The following ZNF525 variants were observed in gnomAD, a reference collection of about 807,000 sequenced individuals.
ZNF525 encodes zinc finger protein 525.
ZNF525 carries 33 observed loss-of-function variants against 37.6 expected under a neutral mutation model. The ratio of observed to expected loss-of-function variants is 0.88; its 90% CI spans 0.67 to 1.17. The LOEUF is 1.17. ZNF525 is among the 50% of genes most tolerant of loss of function. The pLI, the probability that ZNF525 is intolerant of heterozygous loss-of-function variation, is 0.00. For missense variants in ZNF525, 449 were observed against 543.1 expected (o/e 0.83, Z 1.72); for synonymous variants, 170 against 182.3 (o/e 0.93, Z 0.54).
chr19:53,373,472 A>G (rs532580441), intron 2 of ZNF525, among the ~76,000 whole-genome samples: 11 of 152,238 alleles, frequency 7.2e-5, no homozygotes, highest in Non-Finnish European at 1.6e-4. Context: ...TAAAACTCCA[A>G]GCAAAGCTGC....
In ZNF525 at chr19:53,381,736, A is replaced by G. The variant is rs1050387475; in HGVS notation, c.1157A>G (p.Asn386Ser). 3.7e-6 allele frequency: 4 copies of G among 1,086,832 alleles called. No homozygotes were observed. The highest frequency in any genetic ancestry group is 5.7e-6 in the Non-Finnish European group (4 of 698,116). 67.3% of individuals were successfully genotyped at this position (1,086,832 alleles called of 1,614,324 possible). A position where few individuals can be genotyped will look rare whatever the true frequency, so the allele number is the denominator to read the frequency against. The change falls in exon 4 of 4, where the codon AAT becomes AGT. Residue 386 changes from asparagine (N) to serine (S), a missense_variant. Around this residue, in one of 2 missense-constraint regions of ZNF525, gnomAD observed 178 missense variants for 161.5 expected, o/e 1.10. Transcript: ENST00000474037. ...THTGEKPYKC[N>S]DCGKTFSHMS... ...ACTGGAGAGAAACCATACAAGTGTA[A>G]TGATTGTGGCAAGACCTTCAGTCAT...
Position 53,382,784 on chromosome 19 carries a change from C to A in ZNF525, c.*765C>A. ...CAGACATCGTTCATACCTTGCAGTT[C>A]ACGGGCGAACTCATGCTGGAGAGAA... On this transcript the variant is annotated 3_prime_UTR_variant, in exon 4 of 4. Coordinates refer to ENST00000474037, the MANE Select transcript of ZNF525 (RefSeq NM_001348156.2). The A allele has an allele frequency of 1.9e-6, 2 of 1,070,080 alleles. No homozygotes were observed. Among genetic ancestry groups the A allele is most frequent in the Non-Finnish European group, 2.8e-6 (2 of 707,120 alleles). 66.3% of individuals were successfully genotyped at this position (1,070,080 alleles called of 1,614,324 possible). A position where few individuals can be genotyped will look rare whatever the true frequency, so the allele number is the denominator to read the frequency against.
In ZNF525 at chr19:53,382,290, A is replaced by G. The variant is rs558561346; in HGVS notation, c.*271A>G. 18 of 1,426,780 alleles carry G rather than the reference A, an allele frequency of 1.3e-5. No homozygotes were observed. The highest frequency in any genetic ancestry group is 1.8e-5 in the Non-Finnish European group (18 of 1,010,510). The allele number at this position is 1,426,780 out of a possible 1,614,324, so 88.4% of individuals were successfully genotyped here. A position where few individuals can be genotyped will look rare whatever the true frequency, so the allele number is the denominator to read the frequency against. On this transcript the variant is annotated 3_prime_UTR_variant, in exon 4 of 4. Coordinates refer to ENST00000474037, the MANE Select transcript of ZNF525 (RefSeq NM_001348156.2). The stretch of plus-strand genomic sequence containing the variant: ...TACATCATCCCTTACATGCCATCAT[A>G]GACTTCATACTGGAGAGAAACCTTA...
At chr19:53,377,081 G>GT (rs2147070076) in intron 3 of ZNF525, among the ~76,000 whole-genome samples, 1 of 152,286 alleles carries the variant, frequency 6.6e-6, no homozygotes, top group Non-Finnish European at 1.5e-5. Flanking sequence ...TATGTACAGT[G>GT]TTTTTTCATG....
Position 53,370,388 on chromosome 19 carries a change from T to C in ZNF525, c.-67-1827T>C, listed in dbSNP as rs180694051. ...GAGATCCTGCCACTGCTCTCCAGCC[T>C]GGGAGACAGAGCGAGACTCCATGTC... On this transcript the variant is annotated intron_variant, in intron 1 of 3. Transcript: ENST00000474037. 6.2e-5 allele frequency among the ~76,000 whole-genome samples: 8 copies of C among 129,718 alleles called. No homozygotes were observed. The Admixed American group carries it at 6.6e-4, about 11-fold the overall frequency. The allele number at this position is 129,718 out of a possible 152,430, so 85.1% of individuals were successfully genotyped here. A position where few individuals can be genotyped will look rare whatever the true frequency, so the allele number is the denominator to read the frequency against.
intron 1 of ZNF525, among the ~76,000 whole-genome samples, chr19:53,367,498 A>G (rs2085456875): frequency 1.3e-5 from 2 of 152,180 alleles, no homozygotes; most frequent in African/African-American, 4.8e-5. Context: ...AATTGCTTCT[A>G]TAGTTGATTA....
chr19:53,374,679 CACATAT>C (rs1051328043), intron 2 of ZNF525, among the ~76,000 whole-genome samples: 29 of 152,180 alleles, frequency 1.9e-4, no homozygotes, highest in African/African-American at 7.0e-4. Context: ...CATACACACA[CACATAT>C]ACATATACAT....
chr19:53,366,542 A>G (rs1466888713), intron 1 of ZNF525, among the ~76,000 whole-genome samples: 3 of 39,758 alleles, frequency 7.5e-5, no homozygotes, highest in Non-Finnish European at 1.8e-4. Flanking sequence ...GCAAAAGTGA[A>G]AAAAAAAAAA....
intron 3 of ZNF525, among the ~76,000 whole-genome samples, chr19:53,379,724 G>A (rs930453700): frequency 1.3e-5 from 2 of 152,214 alleles, no homozygotes; most frequent in Non-Finnish European, 2.9e-5. Flanking sequence ...AAGTGCCAGC[G>A]GGTGCTGTGG....
intron 3 of ZNF525, among the ~76,000 whole-genome samples, chr19:53,378,547 A>G (rs1364944053): frequency 6.6e-6 from 1 of 152,180 alleles, no homozygotes; most frequent in Non-Finnish European, 1.5e-5. Flanking sequence ...CAAACAAAAA[A>G]AGAAATAGCT....
chr19:53,375,600 A>G (rs1043400454), intron 2 of ZNF525, among the ~76,000 whole-genome samples, 170 bp from the exon 3 acceptor site: 3 of 152,130 alleles, frequency 2.0e-5, no homozygotes, highest in African/African-American at 7.2e-5. Flanking sequence ...AAATAAAAGT[A>G]TAACAAAACA....
intron 3 of ZNF525, chr19:53,379,420 G>C (rs1392401709): frequency 1.3e-5 from 2 of 152,114 alleles, no homozygotes; most frequent in African/African-American, 2.4e-5. Flanking sequence ...CCGGCTGTTA[G>C]TGAATTCTTA....
In ZNF525 at chr19:53,383,613, T is replaced by C; in HGVS notation, c.*1594T>C. ...GCCTTTAGTGGGCAGTCAACACTTATTCACCATCAGGCAATCCGTAGTGTA... is the reference window on the plus strand; with the variant it reads ...GCCTTTAGTGGGCAGTCAACACTTACTCACCATCAGGCAATCCGTAGTGTA... On this transcript the variant is annotated 3_prime_UTR_variant, in exon 4 of 4. Transcript: ENST00000474037. 3 of 1,393,806 alleles carry C rather than the reference T, an allele frequency of 2.2e-6. No individual in the cohort carries two copies. Among genetic ancestry groups the C allele is most frequent in the Non-Finnish European group, 2.9e-6 (3 of 1,032,998 alleles). 86.3% of individuals were successfully genotyped at this position (1,393,806 alleles called of 1,614,324 possible).
At chr19:53,379,723 C>T (rs899025553) in intron 3 of ZNF525, among the ~76,000 whole-genome samples, 4 of 152,256 alleles carry the variant, frequency 2.6e-5, no homozygotes, top group African/African-American at 7.2e-5. Context: ...AAAGTGCCAG[C>T]GGGTGCTGTG....
rs1351335869 is a variant in ZNF525, at chr19:53,385,138, A to AT, written c.*3126dup. On this transcript the variant is annotated 3_prime_UTR_variant, in exon 4 of 4. Coordinates refer to ENST00000474037, the MANE Select transcript of ZNF525 (RefSeq NM_001348156.2). ...AAATAACTGGCACTTGAATATCTAC[A>AT]TTTTTTTAATATCCTCTTGAATACA... The AT allele has an allele frequency of 1.9e-5, 10 of 526,670 alleles. No individual in the cohort carries two copies. The highest frequency in any genetic ancestry group is 3.0e-5 in the Non-Finnish European group (9 of 299,280). The allele number at this position is 526,670 out of a possible 1,614,324, so 32.6% of individuals were successfully genotyped here.
chr19:53,382,280 A>C lies in ZNF525; in HGVS notation c.*261A>C. ...CCTTCAGTCATACATCATCCCTTAC[A>C]TGCCATCATAGACTTCATACTGGAG... On this transcript the variant is annotated 3_prime_UTR_variant, in exon 4 of 4. Transcript: ENST00000474037. 6.9e-7 allele frequency: 1 copy of C among 1,450,612 alleles called. No individual in the cohort carries two copies. The highest frequency in any genetic ancestry group is 2.3e-5 in the East Asian group (1 of 43,912). 89.9% of individuals were successfully genotyped at this position (1,450,612 alleles called of 1,614,324 possible). A position where few individuals can be genotyped will look rare whatever the true frequency, so the allele number is the denominator to read the frequency against.
At position 53,384,111 on chromosome 19, in the gene ZNF525, A is replaced by G. The variant is rs940646214; in HGVS notation, c.*2092A>G. 8.9e-6 allele frequency: 4 copies of G among 447,346 alleles called. No homozygotes were observed. The highest frequency in any genetic ancestry group is 1.8e-5 in the Non-Finnish European group (4 of 224,454). The allele number at this position is 447,346 out of a possible 1,614,324, so 27.7% of individuals were successfully genotyped here. A position where few individuals can be genotyped will look rare whatever the true frequency, so the allele number is the denominator to read the frequency against. On this transcript the variant is annotated 3_prime_UTR_variant, in exon 4 of 4. Transcript: ENST00000474037. ...AAACCATCAAGCATTGATTGACATT[A>G]GAGTCAGTTCAGCATTGACTTGAGT... is the stretch of plus-strand genomic sequence containing the variant.
In ZNF525 at chr19:53,383,441, C is replaced by T. The variant is rs2085582512; in HGVS notation, c.*1422C>T. ...ACAAAGTTTACAGTCGCAAATCAAACCTCGAAAGACAGGAGAATTCATACT... is the reference window on the plus strand; with the variant it reads ...ACAAAGTTTACAGTCGCAAATCAAATCTCGAAAGACAGGAGAATTCATACT... On this transcript the variant is annotated 3_prime_UTR_variant, in exon 4 of 4. Coordinates refer to ENST00000474037, the MANE Select transcript of ZNF525 (RefSeq NM_001348156.2). 1.9e-6 allele frequency: 2 copies of T among 1,030,370 alleles called. No individual in the cohort carries two copies. Among genetic ancestry groups the T allele is most frequent in the East Asian group, 3.5e-5 (1 of 28,520 alleles). 63.8% of individuals were successfully genotyped at this position (1,030,370 alleles called of 1,614,324 possible).
chr19:53,382,447 C>G lies in ZNF525; in HGVS notation c.*428C>G, dbSNP rs947638851. On this transcript the variant is annotated 3_prime_UTR_variant, in exon 4 of 4. Coordinates refer to ENST00000474037, the MANE Select transcript of ZNF525 (RefSeq NM_001348156.2). ...ACCTTCAGTCAGAAGTCATGCCTTA[C>G]ACGCCATCATAGACTTCATACTGGA... is the stretch of plus-strand genomic sequence containing the variant. 1.3e-6 allele frequency: 1 copy of G among 780,802 alleles called. No individual in the cohort carries two copies. The highest frequency in any genetic ancestry group is 1.3e-5 in the South Asian group (1 of 74,200). The allele number at this position is 780,802 out of a possible 1,614,324, so 48.4% of individuals were successfully genotyped here. A position where few individuals can be genotyped will look rare whatever the true frequency, so the allele number is the denominator to read the frequency against.
Sources: gnomAD v4.1 joint callset for allele counts (sites outside exome capture counted in the v4.1 genomes callset) on GRCh38, gnomAD v4.1.1 for gene constraint, gnomAD v4.1.1 regional missense constraint, MANE v1.5 for transcripts, NCBI Gene and HGNC (gene_info 2026-07-23, HGNC 2026-07-21) for gene names.